Variants in NUDCD3 observed in about 807,000 individuals in gnomAD.
NUDCD3 encodes NudC domain containing 3.
A neutral mutation model predicts 39.7 loss-of-function variants in NUDCD3; 13 were observed. That is an observed-to-expected ratio of 0.33 (90% CI 0.21 to 0.52). The LOEUF (loss-of-function observed/expected upper bound fraction) is 0.52. Ranked by LOEUF, NUDCD3 falls within the 20% of genes least tolerant of loss-of-function variation. The pLI, the probability that NUDCD3 is intolerant of heterozygous loss-of-function variation, is 0.96. For synonymous variants in NUDCD3, 175 were observed against 172.4 expected, an observed-to-expected ratio of 1.02 and a Z score of -0.12; for missense variants, 453 against 458.1, an observed-to-expected ratio of 0.99 and a Z score of 0.10.
intron 2 of NUDCD3, among the ~76,000 whole-genome samples, chr7:44,428,168 C>T (rs1163291499): frequency 6.9e-6 from 1 of 143,986 alleles, no homozygotes; most frequent in Non-Finnish European, 1.5e-5. Flanking sequence ...GGCGTGGTGA[C>T]TCACACCTGT....
intron 2 of NUDCD3, among the ~76,000 whole-genome samples, chr7:44,482,040 A>G (rs181270221): frequency 7.7e-4 from 118 of 152,322 alleles, no homozygotes; most frequent in Non-Finnish European, 1.4e-3. Context: ...CACCCAGGCT[A>G]TATTATTTTG....
chr7:44,421,487 CAAAAAAAA>C (rs35044732), intron 3 of NUDCD3, among the ~76,000 whole-genome samples: 1 of 111,474 alleles, frequency 9.0e-6, no homozygotes, highest in African/African-American at 3.5e-5. Flanking sequence ...AAATGGAAAG[CAAAAAAAA>C]AAAAAAAAAG....
At chr7:44,432,163 T>G (rs1273989194) in intron 2 of NUDCD3, among the ~76,000 whole-genome samples, 5 of 152,178 alleles carry the variant, frequency 3.3e-5, no homozygotes, top group Non-Finnish European at 5.9e-5. Context: ...ACACCTGTAG[T>G]GCTGGCTACT....
chr7:44,485,105 C>T lies in NUDCD3; in HGVS notation c.372G>A (p.Leu124=). 1 of 1,614,152 alleles carries T rather than the reference C, an allele frequency of 6.2e-7. No individual in the cohort carries two copies. ...QEIEIDSTTE[L]DGHQEVEKVQ... is the part of the protein sequence containing the mutation. The stretch of plus-strand genomic sequence containing the variant: ...CTTTCTCTACTTCCTGATGCCCATC[C>T]AATTCTGTGGTGGAGTCAATCTCTA... The change falls in exon 2 of 6, where the codon TTG becomes TTA. Residue 124 remains leucine, a synonymous_variant. Transcript: ENST00000355451.
At chr7:44,401,293 T>C (rs1798721226) in intron 4 of NUDCD3, among the ~76,000 whole-genome samples, 1 of 152,204 alleles carries the variant, frequency 6.6e-6, no homozygotes, top group Non-Finnish European at 1.5e-5. Context: ...TAATTCACAA[T>C]ATTATCTCAG....
intron 2 of NUDCD3, chr7:44,467,853 T>A: frequency 2.2e-6 from 3 of 1,341,880 alleles, no homozygotes; most frequent in Non-Finnish European, 3.2e-6. Flanking sequence ...GCTCTCTTCC[T>A]CGGCGCTGCC....
chr7:44,449,453 C>A (rs986376478), intron 2 of NUDCD3, among the ~76,000 whole-genome samples: 1 of 152,038 alleles, frequency 6.6e-6, no homozygotes, highest in African/African-American at 2.4e-5. Context: ...GAGTAGAAGA[C>A]AAGGACTGGG....
chr7:44,390,251 C>T (rs1798487505), intron 5 of NUDCD3, among the ~76,000 whole-genome samples: 2 of 152,150 alleles, frequency 1.3e-5, no homozygotes. Flanking sequence ...GTAGTCCCAG[C>T]TACTCAGGAG....
chr7:44,486,274 G>A (rs1049357503), intron 1 of NUDCD3, among the ~76,000 whole-genome samples: 2 of 152,192 alleles, frequency 1.3e-5, no homozygotes, highest in Non-Finnish European at 2.9e-5. Flanking sequence ...AAATAACAAT[G>A]TTCTGTGCAC....
intron 2 of NUDCD3, among the ~76,000 whole-genome samples, chr7:44,448,458 T>C (rs572415866): frequency 2.9e-4 from 44 of 152,346 alleles, no homozygotes; most frequent in African/African-American, 9.9e-4. Flanking sequence ...GATGTAATTC[T>C]GTCTTACACT....
At chr7:44,394,205 C>G (rs1328399473) in intron 4 of NUDCD3, among the ~76,000 whole-genome samples, 1 of 152,046 alleles carries the variant, frequency 6.6e-6, no homozygotes, top group Non-Finnish European at 1.5e-5. Flanking sequence ...TCTGACATTC[C>G]GAATGCAGAT....
chr7:44,434,899 A>G (rs1407919183), intron 2 of NUDCD3, among the ~76,000 whole-genome samples: 1 of 152,194 alleles, frequency 6.6e-6, no homozygotes, highest in Non-Finnish European at 1.5e-5. Context: ...TGTGAGGAAC[A>G]AACCATTTAA....
intron 2 of NUDCD3, among the ~76,000 whole-genome samples, chr7:44,431,540 G>C (rs569204104): frequency 1.3e-5 from 2 of 152,238 alleles, no homozygotes; most frequent in African/African-American, 4.8e-5. Context: ...TCACTGTCAT[G>C]CAGACAAGCA....
chr7:44,418,757 G>A (rs370908427), intron 3 of NUDCD3, among the ~76,000 whole-genome samples: 11 of 152,202 alleles, frequency 7.2e-5, no homozygotes, highest in African/African-American at 1.4e-4. Flanking sequence ...GTTAGGCAGC[G>A]GGTGCAGCCC....
chr7:44,467,244 CAAT>C (rs1228505363), intron 2 of NUDCD3, among the ~76,000 whole-genome samples: 1 of 152,168 alleles, frequency 6.6e-6, no homozygotes, highest in Non-Finnish European at 1.5e-5. Context: ...ATGGTCCTCA[CAAT>C]AATACCACCC....
chr7:44,417,528 C>T (rs1322168600), intron 3 of NUDCD3, among the ~76,000 whole-genome samples: 1 of 152,198 alleles, frequency 6.6e-6, no homozygotes, highest in African/African-American at 2.4e-5. Context: ...CCCAGGGGTT[C>T]ATAGAGCAGT....
chr7:44,387,885 A>C (rs1406983568), intron 5 of NUDCD3, among the ~76,000 whole-genome samples: 1 of 152,188 alleles, frequency 6.6e-6, no homozygotes, highest in Non-Finnish European at 1.5e-5. Context: ...AGATGTCACA[A>C]TTACTGTTAG....
At chr7:44,464,918 T>TA (rs1800090195) in intron 2 of NUDCD3, among the ~76,000 whole-genome samples, 1 of 152,130 alleles carries the variant, frequency 6.6e-6, no homozygotes, top group South Asian at 2.1e-4. Context: ...TCCCTCCTCT[T>TA]ACAGTGCCAA....
At chr7:44,475,766 CA>C (rs1800356253) in intron 2 of NUDCD3, among the ~76,000 whole-genome samples, 1 of 147,012 alleles carries the variant, frequency 6.8e-6, no homozygotes, top group Admixed American at 6.8e-5. Context: ...GACTATGTCT[CA>C]AAAAAGAAAA....
Sources: gnomAD v4.1 joint callset for allele counts (sites outside exome capture counted in the v4.1 genomes callset) on GRCh38, gnomAD v4.1.1 for gene constraint, MANE v1.5 for transcripts, NCBI Gene and HGNC (gene_info 2026-07-23, HGNC 2026-07-21) for gene names.